The following RASD2 variants were observed in gnomAD, a reference collection of about 807,000 sequenced individuals.
RASD2 encodes the protein RASD family member 2, also known as GTP-binding protein Rhes.
A neutral mutation model predicts 15.8 loss-of-function variants in RASD2; 7 were observed. The observed-to-expected ratio is 0.44, with a 90% CI of 0.25 to 0.83. The LOEUF is 0.83. RASD2 is among the 40% of genes least tolerant of loss of function. RASD2 has a pLI of 0.20. For synonymous variants in RASD2, 155 were observed against 153.6 expected, an observed-to-expected ratio of 1.01 and a Z score of -0.07; for missense variants, 274 against 382.8, an observed-to-expected ratio of 0.72 and a Z score of 2.37.
intron 2 of RASD2, among the ~76,000 whole-genome samples, chr22:35,550,266 A>AAAATAAAT (rs575138822): frequency 6.6e-6 from 1 of 151,248 alleles, no homozygotes; most frequent in Admixed American, 6.6e-5. Flanking sequence ...TCTGTCTCAG[A>AAAATAAAT]AAATAAATAA....
chr22:35,536,492 A>AT (rs1934249952), upstream of RASD2, among the ~76,000 whole-genome samples: 1 of 151,762 alleles, frequency 6.6e-6, no homozygotes, highest in African/African-American at 2.4e-5. Context: ...TGCCCAGCTA[A>AT]TTTTTTCTAT....
In RASD2 at chr22:35,545,449, C is replaced by T. The variant is rs368808878; in HGVS notation, c.-9-1352C>T. Among the ~76,000 whole-genome samples, 142 of 152,318 alleles carry T rather than the reference C, an allele frequency of 9.3e-4. 1 individual carries two copies. Among genetic ancestry groups the T allele is most frequent in the African/African-American group, 3.1e-3 (127 of 41,570 alleles). On this transcript the variant is annotated intron_variant, in intron 1 of 2. Transcript: ENST00000216127. ...TTTTCCTCTACACAAGATGCCCTTT[C>T]GTCTGGGATACAGCCCCCACCTCTG...
chr22:35,551,856 G>C lies in RASD2; in HGVS notation c.625G>C (p.Gly209Arg), dbSNP rs1380717806. Residue 209 changes from glycine (G) to arginine (R), a missense_variant, in exon 3 of 3, where the codon GGT becomes CGT. By Grantham distance (125) the Gly-to-Arg change is moderately radical (BLOSUM62 -2). Transcript: ENST00000216127. This position sits in a 1 kb window ranked among gnomAD's most constrained non-coding sequence, Gnocchi z 4.9. ...ALHRKISVQY[G>R]DAFHPRPFCM... is the part of the protein sequence containing the mutation. ...GCATCGCAAGATCTCCGTGCAGTAC[G>C]GTGACGCCTTCCACCCCAGGCCCTT... 2.5e-6 allele frequency: 4 copies of C among 1,613,860 alleles called. No individual in the cohort carries two copies. The South Asian group carries it at 3.3e-5, about 13-fold the overall frequency.
At chr22:35,547,258 GC>G (rs1934531424) in intron 2 of RASD2, among the ~76,000 whole-genome samples, 178 bp downstream of exon 2, 1 of 152,236 alleles carries the variant, frequency 6.6e-6, no homozygotes, top group African/African-American at 2.4e-5. Context: ...GAAGTCGGGG[GC>G]CCCGATTCCA....
In RASD2 at chr22:35,540,872, G is replaced by A. The variant is rs954719146; in HGVS notation, c.-638G>A. 2.0e-5 allele frequency: 3 copies of A among 152,498 alleles called. No homozygotes were observed. Among genetic ancestry groups the A allele is most frequent in the Admixed American group, 2.0e-4 (3 of 15,296 alleles). 9.4% of individuals were successfully genotyped at this position (152,498 alleles called of 1,614,324 possible). ...CCTTCAGCTGCTGGCGTCGCCGCGC[G>A]GGGAGAAAGAAGCCGTCCCTCCGGC... On this transcript the variant is annotated 5_prime_UTR_variant, in exon 1 of 3. Coordinates refer to ENST00000216127, the MANE Select transcript of RASD2 (RefSeq NM_014310.4).
upstream of RASD2, among the ~76,000 whole-genome samples, chr22:35,536,321 C>T (rs1054094640): frequency 2.0e-5 from 3 of 151,152 alleles, no homozygotes; most frequent in Admixed American, 1.3e-4. Flanking sequence ...AGCCACAAAC[C>T]GTCTCTTTTT....
chr22:35,548,212 G>C (rs1243302958), intron 2 of RASD2, among the ~76,000 whole-genome samples: 1 of 152,178 alleles, frequency 6.6e-6, no homozygotes, highest in East Asian at 1.9e-4. Flanking sequence ...CAGCACCTGG[G>C]TGTGAGCCCT....
the RASD2 span, among the ~76,000 whole-genome samples, chr22:35,534,859 A>C: frequency 6.6e-6 from 1 of 152,228 alleles, no homozygotes; most frequent in Non-Finnish European, 1.5e-5. Flanking sequence ...CATGGGCTGG[A>C]AGGCACCTGA....
At chr22:35,547,843 T>A (rs2281121) in intron 2 of RASD2, among the ~76,000 whole-genome samples, 22,857 of 152,246 alleles carry the variant, frequency 0.15, 2,673 homozygotes, top group East Asian at 0.65. Context: ...CTCGATCTCC[T>A]GACCTCGTGA....
At chr22:35,545,690 A>T (rs1465205452) in intron 1 of RASD2, among the ~76,000 whole-genome samples, 1 of 152,100 alleles carries the variant, frequency 6.6e-6, no homozygotes, top group African/African-American at 2.4e-5. Flanking sequence ...GTGGCACTTG[A>T]GCCAGACCCT....
chr22:35,537,949 CTTTT>C (rs34411242), upstream of RASD2, among the ~76,000 whole-genome samples: 1 of 140,598 alleles, frequency 7.1e-6, no homozygotes, highest in African/African-American at 2.6e-5. Flanking sequence ...GACTTTATAT[CTTTT>C]TTTTTTTTTT....
intron 1 of RASD2, among the ~76,000 whole-genome samples, chr22:35,542,858 G>A (rs1303705189): frequency 6.6e-6 from 1 of 152,212 alleles, no homozygotes; most frequent in African/African-American, 2.4e-5. Context: ...CAGGGTTAGG[G>A]GAGAATCCTG....
chr22:35,535,299 G>A, the RASD2 span, among the ~76,000 whole-genome samples: 1 of 151,856 alleles, frequency 6.6e-6, no homozygotes, highest in African/African-American at 2.4e-5. Flanking sequence ...AGGTATTTAG[G>A]AGCCTGAGGT....
chr22:35,546,889 C>A lies in RASD2; in HGVS notation c.80C>A (p.Ala27Asp). The change falls in exon 2 of 3, where the codon GCC becomes GAC. Residue 27 changes from alanine to aspartate, a missense_variant. Transcript: ENST00000216127. ...KNSYRMVVLG[A>D]SRVGKSSIVS... ...TCATACCGCATGGTGGTGCTGGGTG[C>A]CTCTCGGGTGGGCAAGAGCTCCATC... The A allele has an allele frequency of 6.2e-7, 1 of 1,613,540 alleles. No homozygotes were observed. The highest frequency in any genetic ancestry group is 8.5e-7 in the Non-Finnish European group (1 of 1,179,764).
At chr22:35,546,117 C>T (rs555474249) in intron 1 of RASD2, among the ~76,000 whole-genome samples, 18 of 152,190 alleles carry the variant, frequency 1.2e-4, no homozygotes, top group South Asian at 1.0e-3. Context: ...CAAAAATATC[C>T]GGGCAGGTCA....
At chr22:35,536,016 C>T (rs1210966167), upstream of RASD2, among the ~76,000 whole-genome samples, 7 of 152,186 alleles carry the variant, frequency 4.6e-5, no homozygotes, top group Non-Finnish European at 8.8e-5. Flanking sequence ...GGGCACCCCT[C>T]CTCCCATGTC....
At chr22:35,539,293 A>G (rs561973388), upstream of RASD2, among the ~76,000 whole-genome samples, 1 of 152,106 alleles carries the variant, frequency 6.6e-6, no homozygotes, top group South Asian at 2.1e-4. Context: ...AGTTACGGAG[A>G]CAGGACTTGA....
At chr22:35,535,351 C>T in the RASD2 span, among the ~76,000 whole-genome samples, 36 of 150,742 alleles carry the variant, frequency 2.4e-4, no homozygotes, top group Non-Finnish European at 4.4e-4. Flanking sequence ...CTGTAGTGAG[C>T]CATGATCACA....
rs1934745849 is a variant in RASD2, at chr22:35,553,955, A to G, written c.*1923A>G. The G allele has an allele frequency of 6.5e-6, 1 of 152,762 alleles. No individual in the cohort carries two copies. Among genetic ancestry groups the G allele is most frequent in the African/African-American group, 2.4e-5 (1 of 41,442 alleles). The allele number at this position is 152,762 out of a possible 1,614,324, so 9.5% of individuals were successfully genotyped here. On this transcript the variant is annotated 3_prime_UTR_variant, in exon 3 of 3. Coordinates refer to ENST00000216127, the MANE Select transcript of RASD2 (RefSeq NM_014310.4). The stretch of plus-strand genomic sequence containing the variant: ...CTCACCCAGGCACAGCCCCGCCACC[A>G]TGGATCTCCGTGTACACTATCAATA...
Sources: allele counts gnomAD v4.1 joint callset (sites outside exome capture counted in the v4.1 genomes callset), GRCh38; gene constraint gnomAD v4.1.1; non-coding constraint Gnocchi (gnomAD v3.1); transcripts MANE v1.5; gene names NCBI Gene and HGNC (gene_info 2026-07-23, HGNC 2026-07-21).